ADAMTS3: variants seen among roughly 807,000 people sequenced by gnomAD.
The protein encoded by ADAMTS3 is A disintegrin and metalloproteinase with thrombospondin motifs 3.
In ADAMTS3, 73 loss-of-function variants were observed where a neutral mutation model predicts 129.0. The observed-to-expected ratio is 0.57, with a 90% CI of 0.47 to 0.69. The LOEUF (loss-of-function observed/expected upper bound fraction) is 0.69. Ranked by LOEUF, ADAMTS3 falls within the 30% of genes least tolerant of loss-of-function variation. The pLI is 0.00. For missense variants in ADAMTS3, 1,457 were observed against 1,514.5 expected (o/e 0.96, Z 0.63); for synonymous variants, 477 against 510.8 (o/e 0.93, Z 0.89).
At chr4:72,333,915 T>C (rs998685193) in intron 5 of ADAMTS3, among the ~76,000 whole-genome samples, 3 of 133,556 alleles carry the variant, frequency 2.2e-5, no homozygotes, top group Non-Finnish European at 4.7e-5. Flanking sequence ...AGTGGCGCGA[T>C]CTAGGCTCAC....
In ADAMTS3 at chr4:72,339,588, T is replaced by A. The variant is rs780796555; in HGVS notation, c.767A>T (p.Tyr256Phe). 6.2e-7 allele frequency: 1 copy of A among 1,613,976 alleles called. No individual in the cohort carries two copies. Among genetic ancestry groups the A allele is most frequent in the Non-Finnish European group, 8.5e-7 (1 of 1,179,900 alleles). The change falls in exon 5 of 22, where the codon TAC (tyrosine) becomes TTC (phenylalanine). Residue 256 changes from tyrosine to phenylalanine, a missense_variant. Transcript: ENST00000286657. ...RRRRHAGEND[Y>F]NIEVLLGVDD... ...CACTCCCAGCAGTACCTCGATATTG[T>A]AATCGTTTTCTCCCGCGTGTCTGCG... is the stretch of plus-strand genomic sequence containing the variant.
At chr4:72,508,366 T>G (rs961612682) in intron 3 of ADAMTS3, among the ~76,000 whole-genome samples, 2 of 152,124 alleles carry the variant, frequency 1.3e-5, no homozygotes, top group Non-Finnish European at 2.9e-5. Context: ...CCTAAAAAAT[T>G]GAGAGTTATT....
chr4:72,523,013 A>G (rs543686500), intron 3 of ADAMTS3, among the ~76,000 whole-genome samples: 9 of 152,150 alleles, frequency 5.9e-5, no homozygotes, highest in Non-Finnish European at 1.3e-4. Flanking sequence ...AGTCTCTTCT[A>G]TCAAAATAAA....
At chr4:72,373,844 G>A (rs1262908280) in intron 4 of ADAMTS3, among the ~76,000 whole-genome samples, 1 of 150,728 alleles carries the variant, frequency 6.6e-6, no homozygotes, top group African/African-American at 2.4e-5. Context: ...AGTCTGCAGT[G>A]AACCAAGATC....
At chr4:72,422,793 A>G (rs1001704451) in intron 3 of ADAMTS3, among the ~76,000 whole-genome samples, 1 of 152,174 alleles carries the variant, frequency 6.6e-6, no homozygotes, top group Non-Finnish European at 1.5e-5. Flanking sequence ...CAGAGCATAA[A>G]TGGCAAATGG....
chr4:72,339,334 C>T (rs992476582), intron 5 of ADAMTS3, among the ~76,000 whole-genome samples, 160 bp downstream of exon 5: 1 of 152,184 alleles, frequency 6.6e-6, no homozygotes, highest in African/African-American at 2.4e-5. Flanking sequence ...TTTAGCATTC[C>T]TGTACTTTAA....
intron 3 of ADAMTS3, among the ~76,000 whole-genome samples, chr4:72,417,235 T>C (rs1206704499): frequency 6.6e-6 from 1 of 152,216 alleles, no homozygotes; most frequent in Admixed American, 6.5e-5. Flanking sequence ...AAGATCATAA[T>C]GATTCTCCCA....
intron 4 of ADAMTS3, among the ~76,000 whole-genome samples, chr4:72,363,922 C>T (rs1378892849): frequency 1.3e-5 from 2 of 151,716 alleles, no homozygotes; most frequent in Non-Finnish European, 2.9e-5. Flanking sequence ...GTGATGGCGA[C>T]GATAATGATG....
At chr4:72,468,277 T>C (rs1718973537) in intron 3 of ADAMTS3, among the ~76,000 whole-genome samples, 1 of 152,126 alleles carries the variant, frequency 6.6e-6, no homozygotes, top group African/African-American at 2.4e-5. Flanking sequence ...GCCATGGATA[T>C]GATGCCAATG....
At chr4:72,484,661 T>C (rs767301196) in intron 3 of ADAMTS3, among the ~76,000 whole-genome samples, 1 of 152,190 alleles carries the variant, frequency 6.6e-6, no homozygotes, top group Non-Finnish European at 1.5e-5. Flanking sequence ...TCATTTGTCA[T>C]ATAGGACAAA....
chr4:72,365,392 T>G (rs1720843581), intron 4 of ADAMTS3, among the ~76,000 whole-genome samples: 1 of 152,224 alleles, frequency 6.6e-6, no homozygotes, highest in Admixed American at 6.5e-5. Context: ...CCATTATGTT[T>G]TCTAAAACTC....
At chr4:72,334,213 T>C (rs1719926888) in intron 5 of ADAMTS3, among the ~76,000 whole-genome samples, 1 of 152,146 alleles carries the variant, frequency 6.6e-6, no homozygotes, top group African/African-American at 2.4e-5. Flanking sequence ...CCCAGAAAAC[T>C]GTCAGTTCCT....
intron 3 of ADAMTS3, among the ~76,000 whole-genome samples, chr4:72,528,772 C>T (rs1449347612): frequency 6.6e-6 from 1 of 152,050 alleles, no homozygotes; most frequent in African/African-American, 2.4e-5. Flanking sequence ...CCTCAATTCA[C>T]CTCTCAAGAG....
At position 72,305,977 on chromosome 4, in the gene ADAMTS3, A is replaced by G; in HGVS notation, c.2260+10T>C. The stretch of plus-strand genomic sequence containing the variant: ...ATGTTAAAGCAGAGACAGCAGACAG[A>G]AACACTTACCAAGAATATGAGGAGA... On this transcript the variant is annotated intron_variant, in intron 16 of 21. Transcript: ENST00000286657. 1 of 1,608,070 alleles carries G rather than the reference A, an allele frequency of 6.2e-7. No homozygotes were observed. Among genetic ancestry groups the G allele is most frequent in the African/African-American group, 1.3e-5 (1 of 74,658 alleles).
chr4:72,484,626 T>C (rs1719529855), intron 3 of ADAMTS3, among the ~76,000 whole-genome samples: 1 of 152,178 alleles, frequency 6.6e-6, no homozygotes, highest in Non-Finnish European at 1.5e-5. Context: ...TCTCACAGGC[T>C]ACTCACAGCA....
chr4:72,544,435 C>G (rs1454704866), intron 3 of ADAMTS3, among the ~76,000 whole-genome samples: 1 of 152,152 alleles, frequency 6.6e-6, no homozygotes, highest in Non-Finnish European at 1.5e-5. Flanking sequence ...CTTGACCAAT[C>G]TCAGTACTTA....
chr4:72,474,888 G>A (rs1020715409), intron 3 of ADAMTS3, among the ~76,000 whole-genome samples: 2 of 151,352 alleles, frequency 1.3e-5, no homozygotes, highest in Non-Finnish European at 3.0e-5. Context: ...TTAGCCGGGC[G>A]TAGTGGCGGG....
At chr4:72,299,053 CTGTGTG>C (rs60439058) in intron 17 of ADAMTS3, among the ~76,000 whole-genome samples, 3,654 of 138,102 alleles carry the variant, frequency 0.026, 100 homozygotes, top group African/African-American at 0.063. Context: ...TATTTGCATT[CTGTGTG>C]TGTGTGTGTG....
In ADAMTS3 at chr4:72,400,362, G is replaced by T. The variant is rs1210466880; in HGVS notation, c.661+14453C>A. Among the ~76,000 whole-genome samples the T allele has an allele frequency of 2.1e-5, 3 of 141,278 alleles. 1 individual carries two copies. Among genetic ancestry groups the T allele is most frequent in the African/African-American group, 5.3e-5 (2 of 37,688 alleles). The allele number at this position is 141,278 out of a possible 152,430, so 92.7% of individuals were successfully genotyped here. On this transcript the variant is annotated intron_variant, in intron 4 of 21. Transcript: ENST00000286657. ...CGGTGTGTATATATACGTGTGCATAGATATGCACACGGTGTGTATATATAC... is the reference window on the plus strand; with the variant it reads ...CGGTGTGTATATATACGTGTGCATATATATGCACACGGTGTGTATATATAC...
Sources: allele counts gnomAD v4.1 joint callset (sites outside exome capture counted in the v4.1 genomes callset), GRCh38; gene constraint gnomAD v4.1.1; transcripts MANE v1.5; gene names NCBI Gene and HGNC (gene_info 2026-07-23, HGNC 2026-07-21).